The following CSGALNACT2 variants were observed in gnomAD, a reference collection of about 807,000 sequenced individuals.
CSGALNACT2 encodes chondroitin sulfate N-acetylgalactosaminyltransferase 2, also known as beta 4 GalNAcT-2.
CSGALNACT2 carries 35 observed loss-of-function variants against 55.3 expected under a neutral mutation model. The ratio of observed to expected loss-of-function variants is 0.63; its 90% CI spans 0.48 to 0.84. The LOEUF (loss-of-function observed/expected upper bound fraction) is 0.84, where lower values mean the gene tolerates loss of function less well. CSGALNACT2 is among the 40% of genes least tolerant of loss of function. CSGALNACT2 has a pLI of 0.00. For missense variants in CSGALNACT2, 544 were observed against 657.5 expected, an observed-to-expected ratio of 0.83 and a Z score of 1.89; for synonymous variants, 196 against 224.9, an observed-to-expected ratio of 0.87 and a Z score of 1.15.
At chr10:43,163,100 T>C in intron 4 of CSGALNACT2, 1 of 985,384 alleles carries the variant, frequency 1.0e-6, no homozygotes, top group Non-Finnish European at 1.2e-6. Context: ...TCTTACCTCT[T>C]TGCCTTTGAG....
intron 3 of CSGALNACT2, 124 bp downstream of exon 3, chr10:43,159,055 A>G (rs1362937044): frequency 1.6e-6 from 1 of 622,594 alleles, no homozygotes; most frequent in Non-Finnish European, 2.8e-6. Context: ...CTTTAGGGGA[A>G]CTTTATTTTT....
intron 7 of CSGALNACT2, among the ~76,000 whole-genome samples, chr10:43,182,730 AG>A (rs1839611255): frequency 6.6e-6 from 1 of 151,404 alleles, no homozygotes; most frequent in African/African-American, 2.4e-5. Context: ...AAAAAAAAAA[AG>A]CTGAGTATGG....
chr10:43,178,411 A>C (rs1229134354), intron 7 of CSGALNACT2, among the ~76,000 whole-genome samples: 1 of 152,170 alleles, frequency 6.6e-6, no homozygotes, highest in Non-Finnish European at 1.5e-5. Context: ...TCACGAGGTC[A>C]GGAGATCAAG....
intron 7 of CSGALNACT2, 84 bp downstream of exon 7, chr10:43,176,116 T>C (rs1837809690): frequency 6.4e-6 from 7 of 1,092,020 alleles, no homozygotes; most frequent in Non-Finnish European, 9.4e-6. Context: ...GATTTGAGTG[T>C]TTTCCTACTA....
chr10:43,176,494 A>G (rs1839483497), intron 7 of CSGALNACT2, among the ~76,000 whole-genome samples: 1 of 152,206 alleles, frequency 6.6e-6, no homozygotes. Flanking sequence ...TACAAATGAA[A>G]GAAGACCTGC....
chr10:43,158,851 C>T lies in CSGALNACT2; in HGVS notation c.798C>T (p.Asp266=). 6.2e-7 allele frequency: 1 copy of T among 1,610,162 alleles called. No individual in the cohort carries two copies. The highest frequency in any genetic ancestry group is 2.2e-5 in the East Asian group (1 of 44,848). ...TGAAAGTGAAGAGTGAGATGATTGA[C>T]ATCACTAGATCAATTATTAATATCA... ...PLMKVKSEMI[D]ITRSIINIIV... is the part of the protein sequence containing the mutation. The change falls in exon 3 of 8, where the codon GAC becomes GAT. Residue 266 remains aspartate (D), a synonymous_variant. Coordinates refer to ENST00000374466, the MANE Select transcript of CSGALNACT2 (RefSeq NM_018590.5).
intron 6 of CSGALNACT2, among the ~76,000 whole-genome samples, chr10:43,169,297 C>A (rs927155150): frequency 9.9e-5 from 15 of 152,078 alleles, no homozygotes; most frequent in Non-Finnish European, 2.9e-5. Flanking sequence ...CAAGACTAAC[C>A]AAACATTTGA....
rs1839185396 is a variant in CSGALNACT2, at chr10:43,162,980, T to A, written c.981-886T>A. On this transcript the variant is annotated intron_variant, in intron 4 of 7. Coordinates refer to ENST00000374466, the MANE Select transcript of CSGALNACT2 (RefSeq NM_018590.5). ...ACTCTTCACTCTGACCCTTCTCTCA[T>A]TGTTCCCATTTTAAGATTCCGTTGA... 5.1e-6 allele frequency: 5 copies of A among 985,166 alleles called. No individual in the cohort carries two copies. The South Asian group carries it at 1.9e-4, about 37-fold the overall frequency. 61.0% of individuals were successfully genotyped at this position (985,166 alleles called of 1,614,324 possible).
At chr10:43,153,812 G>A (rs958811722) in intron 1 of CSGALNACT2, among the ~76,000 whole-genome samples, 14 of 152,272 alleles carry the variant, frequency 9.2e-5, no homozygotes, top group African/African-American at 3.1e-4. Context: ...ATGAACGATA[G>A]CATGTAATTT....
In CSGALNACT2 at chr10:43,183,982, CT is replaced by C. The variant is rs1839644078; in HGVS notation, c.*441del. The C allele has an allele frequency of 6.3e-6, 1 of 158,906 alleles. No homozygotes were observed. The allele number at this position is 158,906 out of a possible 1,614,324, so 9.8% of individuals were successfully genotyped here. ...GATAGGTATCTTCACCTGCCCGCCC[CT>C]GAGTCAGCCTCCTTGACTTGATAGC... On this transcript the variant is annotated 3_prime_UTR_variant, in exon 8 of 8. Transcript: ENST00000374466.
intron 1 of CSGALNACT2, among the ~76,000 whole-genome samples, chr10:43,139,305 A>C (rs1456645982): frequency 6.6e-6 from 1 of 152,224 alleles, no homozygotes; most frequent in African/African-American, 2.4e-5. Context: ...CTTGGAAGTA[A>C]GAAGCCAAGT....
rs769235430 is a variant in CSGALNACT2, at chr10:43,155,268, G to T, written c.119G>T (p.Gly40Val). 6.2e-7 allele frequency: 1 copy of T among 1,614,094 alleles called. No homozygotes were observed. Among genetic ancestry groups the T allele is most frequent in the East Asian group, 2.2e-5 (1 of 44,886 alleles). ...YLLECAPQTD[G>V]NASLPGVVGE... is the part of the protein sequence containing the mutation. ...CTGGAATGTGCCCCCCAGACTGATG[G>T]AAATGCATCTCTTCCTGGTGTTGTT... Residue 40 changes from glycine (G) to valine (V), a missense_variant, in exon 2 of 8, where the codon GGA (glycine) becomes GTA (valine). Coordinates refer to ENST00000374466, the MANE Select transcript of CSGALNACT2 (RefSeq NM_018590.5).
chr10:43,147,527 C>CAT (rs1484915693), intron 1 of CSGALNACT2, among the ~76,000 whole-genome samples: 1 of 152,080 alleles, frequency 6.6e-6, no homozygotes, highest in Non-Finnish European at 1.5e-5. Context: ...TATTGAATAT[C>CAT]ATATCTAAGA....
intron 2 of CSGALNACT2, among the ~76,000 whole-genome samples, chr10:43,158,327 G>T (rs1416200496): frequency 6.6e-6 from 1 of 152,072 alleles, no homozygotes; most frequent in African/African-American, 2.4e-5. Flanking sequence ...GAAGGCACTC[G>T]ATTTCTTTTA....
intron 5 of CSGALNACT2, among the ~76,000 whole-genome samples, chr10:43,164,840 C>T (rs1839226486): frequency 7.1e-6 from 1 of 141,370 alleles, no homozygotes; most frequent in Non-Finnish European, 1.5e-5. Flanking sequence ...AGTGAGACTC[C>T]ATCTCAAAAA....
intron 7 of CSGALNACT2, among the ~76,000 whole-genome samples, chr10:43,180,546 T>A (rs1335849127): frequency 6.6e-6 from 1 of 152,208 alleles, no homozygotes. Context: ...TTATACATAG[T>A]TGTTTTAAAT....
chr10:43,140,261 A>G (rs1838591133), intron 1 of CSGALNACT2, among the ~76,000 whole-genome samples: 1 of 152,246 alleles, frequency 6.6e-6, no homozygotes, highest in Admixed American at 6.5e-5. Context: ...TCTGTCAGCT[A>G]TAGAATGACT....
At chr10:43,177,615 C>T (rs1197803447) in intron 7 of CSGALNACT2, among the ~76,000 whole-genome samples, 1 of 152,106 alleles carries the variant, frequency 6.6e-6, no homozygotes. Flanking sequence ...TTTTTATAGC[C>T]AAAAAATGTT....
At chr10:43,169,000 G>T (rs1165713825) in intron 6 of CSGALNACT2, among the ~76,000 whole-genome samples, 1 of 152,214 alleles carries the variant, frequency 6.6e-6, no homozygotes, top group Admixed American at 6.5e-5. Context: ...ATAGCAGACA[G>T]AATGGAGGGA....
Sources: gnomAD v4.1 joint callset for allele counts (sites outside exome capture counted in the v4.1 genomes callset) on GRCh38, gnomAD v4.1.1 for gene constraint, MANE v1.5 for transcripts, NCBI Gene and HGNC (gene_info 2026-07-23, HGNC 2026-07-21) for gene names.